The following SETDB1 variants were observed in gnomAD, a reference collection of about 807,000 sequenced individuals.
SETDB1 encodes histone-lysine N-methyltransferase SETDB1.
In SETDB1, 31 loss-of-function variants were observed where a neutral mutation model predicts 137.4. That is an observed-to-expected ratio of 0.23 (90% CI 0.17 to 0.30). The LOEUF is 0.30. SETDB1 is among the 10% of genes least tolerant of loss of function. The probability of loss-of-function intolerance (pLI) is 1.00; values close to 1 mark genes in which losing one functional copy is unlikely to be tolerated. For missense variants in SETDB1, 1,113 were observed against 1,631.5 expected, an observed-to-expected ratio of 0.68 and a Z score of 5.47; for synonymous variants, 548 against 579.9, an observed-to-expected ratio of 0.95 and a Z score of 0.79.
chr1:150,936,580 T>G (rs1158289395), intron 3 of SETDB1, among the ~76,000 whole-genome samples: 1 of 152,254 alleles, frequency 6.6e-6, no homozygotes, highest in African/African-American at 2.4e-5. Context: ...ATAACACTAC[T>G]GCAAATATTC....
rs762626319 is a variant in SETDB1, at chr1:150,927,850, G to A, written c.136G>A (p.Glu46Lys). 1 of 1,614,172 alleles carries A rather than the reference G, an allele frequency of 6.2e-7. No homozygotes were observed. Residue 46 changes from glutamate (E) to lysine (K), a missense_variant, in exon 2 of 22, where the codon GAG (glutamate) becomes AAG (lysine). This residue lies in a region of SETDB1 where 159 missense variants were observed against 188.6 expected (regional missense o/e 0.84). Coordinates refer to ENST00000692827, the MANE Select transcript of SETDB1 (RefSeq NM_001366418.1). ...GGAGGAACTTCGGCATTTCATCGAT[G>A]AGGAACTGGAGAAGATGGATTGTGT... ...SMEELRHFIDEELEKMDCVQQ... is the reference protein window; with the variant it reads ...SMEELRHFIDKELEKMDCVQQ...
chr1:150,952,070 T>C (rs1571651627), intron 14 of SETDB1, among the ~76,000 whole-genome samples: 1 of 151,060 alleles, frequency 6.6e-6, no homozygotes, highest in South Asian at 2.1e-4. Context: ...ATCGCTTGAA[T>C]CCAGGAGGCA....
intron 8 of SETDB1, 70 bp downstream of exon 8, chr1:150,944,063 G>A (rs1670247450): frequency 9.5e-7 from 1 of 1,051,692 alleles, no homozygotes; most frequent in Admixed American, 1.7e-5. Flanking sequence ...AGGACATCCA[G>A]TTGAAAAGCC....
At chr1:150,934,436 G>A (rs1055937661) in intron 3 of SETDB1, among the ~76,000 whole-genome samples, 8 of 152,126 alleles carry the variant, frequency 5.3e-5, no homozygotes, top group Non-Finnish European at 8.8e-5. Context: ...TCGCACCGCT[G>A]CACTCCAGCC....
intron 19 of SETDB1, 104 bp from the exon 20 acceptor site, chr1:150,963,426 C>G (rs905017541): frequency 6.2e-6 from 6 of 972,208 alleles, no homozygotes; most frequent in Non-Finnish European, 9.2e-6. Context: ...TGGTGTTTCT[C>G]AGCTGCAATG....
intron 12 of SETDB1, 50 bp downstream of exon 12, chr1:150,949,575 T>C (rs1670437885): frequency 2.6e-6 from 4 of 1,553,608 alleles, no homozygotes; most frequent in Admixed American, 1.7e-5. Context: ...GAGTGGTCAC[T>C]GTGTAGGGGA....
intron 5 of SETDB1, among the ~76,000 whole-genome samples, chr1:150,942,331 C>T (rs1437194801): frequency 6.6e-6 from 1 of 150,898 alleles, no homozygotes; most frequent in Non-Finnish European, 1.5e-5. Flanking sequence ...CCTGTAGTCC[C>T]AGCTACTCGG....
chr1:150,931,740 A>C (rs1669764106), intron 3 of SETDB1, among the ~76,000 whole-genome samples: 1 of 148,576 alleles, frequency 6.7e-6, no homozygotes, highest in East Asian at 1.9e-4. Context: ...AAAAAAAAAA[A>C]AAAAAACAGA....
intron 9 of SETDB1, among the ~76,000 whole-genome samples, chr1:150,946,432 C>T (rs1253429244): frequency 1.3e-5 from 2 of 151,714 alleles, no homozygotes; most frequent in African/African-American, 2.4e-5. Context: ...CTGGCACATA[C>T]TTTATTAAGT....
chr1:150,929,899 G>C (rs866894098), intron 2 of SETDB1, 68 bp from the exon 3 acceptor site: 6 of 1,305,870 alleles, frequency 4.6e-6, no homozygotes, highest in South Asian at 1.3e-5. Context: ...TATATACATC[G>C]TAATGGATTC....
At chr1:150,956,749 T>C (rs1345822198) in intron 14 of SETDB1, among the ~76,000 whole-genome samples, 2 of 148,414 alleles carry the variant, frequency 1.3e-5, no homozygotes, top group Non-Finnish European at 3.0e-5. Context: ...AATAATCTCT[T>C]TTTTTTTTTT....
Position 150,964,685 on chromosome 1 carries a change from A to G in SETDB1, c.*321A>G, listed in dbSNP as rs906081871. On this transcript the variant is annotated 3_prime_UTR_variant, in exon 22 of 22. Coordinates refer to ENST00000692827, the MANE Select transcript of SETDB1 (RefSeq NM_001366418.1). ...TTAGAATGGAGCCTGTGTATCTACT[A>G]TCTCCAGTTTGTATTATTTCTTGAA... 9 of 594,318 alleles carry G rather than the reference A, an allele frequency of 1.5e-5. No individual in the cohort carries two copies. Among genetic ancestry groups the G allele is most frequent in the Admixed American group, 1.2e-4 (4 of 33,742 alleles). The allele number at this position is 594,318 out of a possible 1,614,324, so 36.8% of individuals were successfully genotyped here.
intron 9 of SETDB1, among the ~76,000 whole-genome samples, chr1:150,946,278 C>T (rs1392262848): frequency 4.0e-5 from 6 of 151,886 alleles, no homozygotes; most frequent in Non-Finnish European, 7.4e-5. Flanking sequence ...CTCATCCTTT[C>T]GACATACCAG....
chr1:150,935,068 G>A (rs755997582), intron 3 of SETDB1, among the ~76,000 whole-genome samples: 2 of 152,166 alleles, frequency 1.3e-5, no homozygotes, highest in African/African-American at 2.4e-5. Context: ...TGATCCACAC[G>A]CCTTGGCCTC....
intron 1 of SETDB1, among the ~76,000 whole-genome samples, chr1:150,927,043 A>T (rs1669547107): frequency 6.6e-6 from 1 of 152,224 alleles, no homozygotes; most frequent in Non-Finnish European, 1.5e-5. Context: ...GCATACAAAG[A>T]TTTATCACAT....
At chr1:150,951,535 T>A in intron 14 of SETDB1, 54 bp downstream of exon 14, 1 of 933,114 alleles carries the variant, frequency 1.1e-6, no homozygotes, top group Non-Finnish European at 1.7e-6. Flanking sequence ...AGCATGTTCT[T>A]GTTTTTCTGT....
chr1:150,938,267 G>T (rs1436643180), intron 3 of SETDB1, among the ~76,000 whole-genome samples: 2 of 151,094 alleles, frequency 1.3e-5, no homozygotes, highest in Non-Finnish European at 2.9e-5. Flanking sequence ...CAACATAGAT[G>T]AACCTTGTTT....
chr1:150,946,697 C>T (rs1261195076), intron 9 of SETDB1, among the ~76,000 whole-genome samples, 189 bp from the exon 10 acceptor site: 1 of 152,212 alleles, frequency 6.6e-6, no homozygotes, highest in East Asian at 1.9e-4. Context: ...ATCCACCTGC[C>T]TCAGCCTCCC....
At chr1:150,941,579 C>T (rs41310889) in intron 5 of SETDB1, 151 bp downstream of exon 5, 7,436 of 582,504 alleles carry the variant, frequency 0.013, 78 homozygotes, top group Non-Finnish European at 0.018. Context: ...GTGATTTTTC[C>T]AGTCTGTGAT....
Sources: gnomAD v4.1 joint callset for allele counts (sites outside exome capture counted in the v4.1 genomes callset) on GRCh38, gnomAD v4.1.1 for gene constraint, gnomAD v4.1.1 regional missense constraint, MANE v1.5 for transcripts, NCBI Gene and HGNC (gene_info 2026-07-23, HGNC 2026-07-21) for gene names.